TRABD2B: variants seen among roughly 807,000 people sequenced by gnomAD.
TRABD2B encodes the protein TraB domain containing 2B.
TRABD2B carries 14 observed loss-of-function variants against 40.1 expected under a neutral mutation model. The observed-to-expected ratio is 0.35, with a 90% confidence interval of 0.23 to 0.55. The LOEUF (loss-of-function observed/expected upper bound fraction) is 0.55, where lower values mean the gene tolerates loss of function less well. Among genes scored for constraint, TRABD2B ranks in the 20% least tolerant of loss-of-function variants. The probability of loss-of-function intolerance (pLI) is 0.90; values close to 1 mark genes in which losing one functional copy is unlikely to be tolerated. For missense variants in TRABD2B, 541 were observed against 648.6 expected, an observed-to-expected ratio of 0.83 and a Z score of 1.80; for synonymous variants, 263 against 277.0, an observed-to-expected ratio of 0.95 and a Z score of 0.50.
intron 2 of TRABD2B, among the ~76,000 whole-genome samples, chr1:47,955,722 C>G (rs192560721): frequency 1.4e-5 from 2 of 145,278 alleles, no homozygotes; most frequent in African/African-American, 4.9e-5. Context: ...AGCCTCCTAC[C>G]CCAACTCATT....
At chr1:47,905,477 C>A (rs955455957) in intron 2 of TRABD2B, among the ~76,000 whole-genome samples, 10 of 152,122 alleles carry the variant, frequency 6.6e-5, no homozygotes, top group African/African-American at 2.2e-4. Context: ...TTGCAACCTA[C>A]CCCATCCCAC....
chr1:47,943,351 G>A (rs377569960), intron 2 of TRABD2B, among the ~76,000 whole-genome samples: 6 of 152,250 alleles, frequency 3.9e-5, no homozygotes, highest in East Asian at 1.9e-4. Flanking sequence ...GAGCTTCTAC[G>A]TCCCATTATT....
At chr1:47,863,461 A>G (rs1644008853) in intron 2 of TRABD2B, among the ~76,000 whole-genome samples, 1 of 148,304 alleles carries the variant, frequency 6.7e-6, no homozygotes, top group African/African-American at 2.5e-5. Flanking sequence ...TTAATAGACT[A>G]CTCACCAAAG....
At chr1:47,828,163 T>C (rs530819435) in intron 2 of TRABD2B, among the ~76,000 whole-genome samples, 42 of 152,296 alleles carry the variant, frequency 2.8e-4, no homozygotes, top group African/African-American at 9.9e-4. Context: ...GCGACCTAGA[T>C]AGCCGATGTT....
chr1:47,835,858 T>A (rs1645311544), intron 2 of TRABD2B, among the ~76,000 whole-genome samples: 1 of 152,178 alleles, frequency 6.6e-6, no homozygotes, highest in African/African-American at 2.4e-5. Context: ...ACTATGTAGG[T>A]AAGTATAAAA....
intron 2 of TRABD2B, among the ~76,000 whole-genome samples, chr1:47,889,560 A>C (rs1395345009): frequency 1.3e-5 from 2 of 152,232 alleles, no homozygotes; most frequent in African/African-American, 4.8e-5. Flanking sequence ...GCAAACTGTG[A>C]GGGCAGTGAG....
chr1:47,996,865 C>T lies in TRABD2B; in HGVS notation c.-76G>A, dbSNP rs894759422. 20 of 1,150,876 alleles carry T rather than the reference C, an allele frequency of 1.7e-5. No individual in the cohort carries two copies. The highest frequency in any genetic ancestry group is 2.0e-5 in the Non-Finnish European group (19 of 936,662). 71.3% of individuals were successfully genotyped at this position (1,150,876 alleles called of 1,614,324 possible). A position where few individuals can be genotyped will look rare whatever the true frequency, so the allele number is the denominator to read the frequency against. On this transcript the variant is annotated 5_prime_UTR_variant, in exon 1 of 7. Transcript: ENST00000606738. The surrounding 1 kb of genome is among the most constrained non-coding windows in gnomAD (Gnocchi z 4.6). ...GCGGGGCGGGGAGCCCCCAGTTGGGCACGGAGTTTCCTCTGGAGCACGGGG... is the reference window on the plus strand; with the variant it reads ...GCGGGGCGGGGAGCCCCCAGTTGGGTACGGAGTTTCCTCTGGAGCACGGGG...
At position 47,773,663 on chromosome 1, in the gene TRABD2B, G is replaced by A. The variant is rs149748852; in HGVS notation, c.1349+1507C>T. On this transcript the variant is annotated intron_variant, in intron 6 of 6. Transcript: ENST00000606738. ...TCCTTGCCTTCTTTCATGATTGTGA[G>A]GCTTCCTCAGCCATGTGGAACTGTG... Among the ~76,000 whole-genome samples the A allele has an allele frequency of 4.0e-3, 616 of 152,312 alleles. 8 individuals carry two copies. Among genetic ancestry groups the A allele is most frequent in the African/African-American group, 0.014 (596 of 41,574 alleles).
chr1:47,855,061 C>T (rs1482424591), intron 2 of TRABD2B, among the ~76,000 whole-genome samples: 1 of 152,128 alleles, frequency 6.6e-6, no homozygotes, highest in Admixed American at 6.5e-5. Flanking sequence ...TGAGCTGAAA[C>T]TTCAGAGGCC....
At chr1:47,920,844 G>A (rs537782296) in intron 2 of TRABD2B, among the ~76,000 whole-genome samples, 5 of 152,182 alleles carry the variant, frequency 3.3e-5, no homozygotes, top group Non-Finnish European at 7.3e-5. Flanking sequence ...TAGACATCAT[G>A]TGGTCTATCT....
intron 2 of TRABD2B, among the ~76,000 whole-genome samples, chr1:47,895,427 T>C (rs573509072): frequency 4.6e-5 from 7 of 152,232 alleles, no homozygotes; most frequent in African/African-American, 1.4e-4. Flanking sequence ...TGGCAGTGGG[T>C]GCCCTGGGAC....
At chr1:47,948,707 C>G (rs537286920) in intron 2 of TRABD2B, among the ~76,000 whole-genome samples, 1 of 152,122 alleles carries the variant, frequency 6.6e-6, no homozygotes, top group African/African-American at 2.4e-5. Flanking sequence ...CTTCTAAGAC[C>G]GTCCCAAGTG....
chr1:47,853,501 A>G (rs1207127578), intron 2 of TRABD2B, among the ~76,000 whole-genome samples: 1 of 152,142 alleles, frequency 6.6e-6, no homozygotes, highest in African/African-American at 2.4e-5. Context: ...ATTTCTCATC[A>G]TGTCTGACCT....
At chr1:47,976,592 T>C (rs541927569) in intron 2 of TRABD2B, among the ~76,000 whole-genome samples, 4 of 152,142 alleles carry the variant, frequency 2.6e-5, no homozygotes, top group Non-Finnish European at 4.4e-5. Context: ...TAGAACGCAA[T>C]TGATGACAGG....
intron 2 of TRABD2B, among the ~76,000 whole-genome samples, chr1:47,910,747 C>T (rs1021107561): frequency 2.6e-5 from 4 of 152,350 alleles, no homozygotes; most frequent in Admixed American, 2.6e-4. Context: ...AAATACCTAT[C>T]CTCATATGGC....
rs199905018 is a variant in TRABD2B, at chr1:47,871,441, GC to G, written c.667-69823del. Among the ~76,000 whole-genome samples the G allele has an allele frequency of 4.7e-3, 714 of 152,254 alleles. 3 individuals carry two copies. Among genetic ancestry groups the G allele is most frequent in the Middle Eastern group, 0.01 (3 of 294 alleles). On this transcript the variant is annotated intron_variant, in intron 2 of 6. Transcript: ENST00000606738. ...TTCATTCACTTTCAAAAACAAACCA[GC>G]CCCCACAGCCACCCCGCCACACGTA...
At chr1:47,843,651 A>C (rs1224005728) in intron 2 of TRABD2B, among the ~76,000 whole-genome samples, 4 of 152,150 alleles carry the variant, frequency 2.6e-5, no homozygotes, top group Non-Finnish European at 5.9e-5. Context: ...TAATGTTTAG[A>C]GGTCAGGGGC....
At position 47,813,586 on chromosome 1, in the gene TRABD2B, G is replaced by A. The variant is rs370704606; in HGVS notation, c.667-11967C>T. On this transcript the variant is annotated intron_variant, in intron 2 of 6. Coordinates refer to ENST00000606738, the MANE Select transcript of TRABD2B (RefSeq NM_001194986.2). The surrounding 1 kb of genome is among the most constrained non-coding windows in gnomAD (Gnocchi z 4.3). The stretch of plus-strand genomic sequence containing the variant: ...CAGACTCTTCTCTTCTCTTTGCTGC[G>A]TCTCAGCTTACCCATCTGCCAAGTG... Among the ~76,000 whole-genome samples, 397 of 152,222 alleles carry A rather than the reference G, an allele frequency of 2.6e-3. 2 individuals carry two copies. The highest frequency in any genetic ancestry group is 8.8e-3 in the African/African-American group (366 of 41,540).
rs139256924 is a variant in TRABD2B at position 47,896,160 on chromosome 1, A to G, written c.667-94541T>C. ...ATGAAATGCAATGACTGCCCTCCAT[A>G]TATTAAAATAACACCTCCCCAGGAA... On this transcript the variant is annotated intron_variant, in intron 2 of 6. Coordinates refer to ENST00000606738, the MANE Select transcript of TRABD2B (RefSeq NM_001194986.2). 2.3e-3 allele frequency among the ~76,000 whole-genome samples: 345 copies of G among 152,284 alleles called. 1 individual carries two copies. The highest frequency in any genetic ancestry group is 4.0e-3 in the Non-Finnish European group (272 of 68,032).
Sources: allele counts gnomAD v4.1 joint callset (sites outside exome capture counted in the v4.1 genomes callset), GRCh38; gene constraint gnomAD v4.1.1; non-coding constraint Gnocchi (gnomAD v3.1); transcripts MANE v1.5; gene names NCBI Gene and HGNC (gene_info 2026-07-23, HGNC 2026-07-21).